The following ENTHD1 variants were observed in gnomAD, a reference collection of about 807,000 sequenced individuals.
The protein encoded by ENTHD1 is ENTH domain-containing protein 1.
ENTHD1 carries 23 observed loss-of-function variants against 39.1 expected under a neutral mutation model. The ratio of observed to expected loss-of-function variants is 0.59; its 90% confidence interval spans 0.42 to 0.83. The LOEUF is 0.83. Ranked by LOEUF, ENTHD1 falls within the 40% of genes least tolerant of loss-of-function variation. ENTHD1 has a pLI of 0.00. For synonymous variants in ENTHD1, 230 were observed against 258.2 expected (o/e 0.89, Z 1.05); for missense variants, 624 against 705.4 (o/e 0.88, Z 1.31).
chr22:39,793,473 C>T (rs1328361226), intron 5 of ENTHD1, among the ~76,000 whole-genome samples: 1 of 151,786 alleles, frequency 6.6e-6, no homozygotes, highest in Non-Finnish European at 1.5e-5. Context: ...GTTTCCTTTG[C>T]TGTGTAGAAG....
chr22:39,880,102 C>G (rs1288655175), intron 2 of ENTHD1, among the ~76,000 whole-genome samples: 2 of 152,182 alleles, frequency 1.3e-5, no homozygotes, highest in Non-Finnish European at 2.9e-5. Flanking sequence ...GTGGTGTGCA[C>G]CTACAGTCCC....
chr22:39,853,085 T>A (rs1285700881), intron 3 of ENTHD1, among the ~76,000 whole-genome samples: 2 of 152,198 alleles, frequency 1.3e-5, no homozygotes, highest in Non-Finnish European at 2.9e-5. Flanking sequence ...TTTTTTATTA[T>A]AAAAGCATGA....
chr22:39,798,544 G>A (rs1259568866), intron 5 of ENTHD1, among the ~76,000 whole-genome samples: 1 of 152,090 alleles, frequency 6.6e-6, no homozygotes, highest in African/African-American at 2.4e-5. Context: ...AGTGGCTTAG[G>A]CTGTGGTTGT....
intron 5 of ENTHD1, among the ~76,000 whole-genome samples, chr22:39,816,125 G>C (rs971224202): frequency 6.6e-6 from 1 of 152,208 alleles, no homozygotes; most frequent in Non-Finnish European, 1.5e-5. Flanking sequence ...GCAAAGGCAA[G>C]GGAGAAAAGG....
chr22:39,888,535 A>C (rs111996457), intron 1 of ENTHD1, among the ~76,000 whole-genome samples: 11,366 of 151,698 alleles, frequency 0.075, 486 homozygotes, highest in South Asian at 0.13. Flanking sequence ...TCAAGCGATT[A>C]TCCTGCCTCA....
chr22:39,820,362 C>T (rs186367302), intron 5 of ENTHD1, among the ~76,000 whole-genome samples: 4 of 151,998 alleles, frequency 2.6e-5, no homozygotes, highest in East Asian at 3.9e-4. Flanking sequence ...CTAATGAGAA[C>T]GTTTCGTTCT....
chr22:39,771,689 A>AT (rs892587529), intron 5 of ENTHD1, among the ~76,000 whole-genome samples: 196 of 151,862 alleles, frequency 1.3e-3, no homozygotes, highest in African/African-American at 4.4e-3. Context: ...GAATGACACC[A>AT]TTTTTTTTAA....
At chr22:39,890,884 C>T (rs2066421611) in intron 1 of ENTHD1, among the ~76,000 whole-genome samples, 2 of 152,206 alleles carry the variant, frequency 1.3e-5, no homozygotes, top group South Asian at 4.1e-4. Context: ...CTACTGCTGT[C>T]TTTTCAAATT....
intron 2 of ENTHD1, chr22:39,876,132 C>T (rs2066287548): frequency 1.9e-6 from 3 of 1,569,170 alleles, no homozygotes; most frequent in East Asian, 4.5e-5. Flanking sequence ...GGACTCAAGT[C>T]ATAGGCTTCT....
intron 5 of ENTHD1, among the ~76,000 whole-genome samples, chr22:39,807,865 G>T (rs2065655901): frequency 6.6e-6 from 1 of 151,850 alleles, no homozygotes; most frequent in African/African-American, 2.4e-5. Context: ...TTAGGGGTGT[G>T]TGTGTGTATA....
intron 5 of ENTHD1, among the ~76,000 whole-genome samples, chr22:39,771,983 T>G (rs543308967): frequency 3.1e-4 from 47 of 152,312 alleles, no homozygotes; most frequent in African/African-American, 1.1e-3. Flanking sequence ...ATAAAATATA[T>G]GTAACTGTTT....
At position 39,821,089 on chromosome 22, in the gene ENTHD1, C is replaced by T; in HGVS notation, c.736G>A (p.Asp246Asn). 1 of 1,614,000 alleles carries T rather than the reference C, an allele frequency of 6.2e-7. No homozygotes were observed. The highest frequency in any genetic ancestry group is 8.5e-7 in the Non-Finnish European group (1 of 1,179,932). ...TEDLMTFLDD[D>N]PELPLLATPP... Reference sequence around the variant, plus strand: ...GTTGCTAGTAAAGGCAGCTCTGGATCATCATCCAAAAATGTCATCAGGTCC... The same window carrying T: ...GTTGCTAGTAAAGGCAGCTCTGGATTATCATCCAAAAATGTCATCAGGTCC... The change falls in exon 5 of 7, where the codon GAT becomes AAT. Residue 246 changes from aspartate to asparagine, a missense_variant. By Grantham distance (23) the Asp-to-Asn change is conservative. Coordinates refer to ENST00000325157, the MANE Select transcript of ENTHD1 (RefSeq NM_152512.4).
At position 39,743,840 on chromosome 22, in the gene ENTHD1, C is replaced by A; in HGVS notation, c.1663G>T (p.Val555Leu). Reference sequence around the variant, plus strand: ...TGTAATCTAGCGATCGCACGTTTTACCTCCCTTAAAAGAACACTAATGGAA... The same window carrying A: ...TGTAATCTAGCGATCGCACGTTTTAACTCCCTTAAAAGAACACTAATGGAA... Reference protein sequence around the residue: ...KNSISVLLREVKRAIARLHED... With the variant: ...KNSISVLLRELKRAIARLHED... Residue 555 changes from valine (V) to leucine (L), a missense_variant, in exon 7 of 7, where the codon GTA becomes TTA. Val to Leu is a conservative substitution (Grantham distance 32). Coordinates refer to ENST00000325157, the MANE Select transcript of ENTHD1 (RefSeq NM_152512.4). 1.2e-6 allele frequency: 2 copies of A among 1,614,112 alleles called. No individual in the cohort carries two copies. Among genetic ancestry groups the A allele is most frequent in the Non-Finnish European group, 1.7e-6 (2 of 1,180,012 alleles).
Position 39,743,553 on chromosome 22 carries a change from A to C in ENTHD1, c.*126T>G. ...ATTAGTTTGAAAGATACTTGCTAAT[A>C]AACCTGACAAGGAAAAATTAAACCA... On this transcript the variant is annotated 3_prime_UTR_variant, in exon 7 of 7. Coordinates refer to ENST00000325157, the MANE Select transcript of ENTHD1 (RefSeq NM_152512.4). 2 of 1,172,280 alleles carry C rather than the reference A, an allele frequency of 1.7e-6. No homozygotes were observed. The highest frequency in any genetic ancestry group is 2.3e-6 in the Non-Finnish European group (2 of 865,332). The allele number at this position is 1,172,280 out of a possible 1,614,324, so 72.6% of individuals were successfully genotyped here. A position where few individuals can be genotyped will look rare whatever the true frequency, so the allele number is the denominator to read the frequency against.
intron 5 of ENTHD1, among the ~76,000 whole-genome samples, chr22:39,772,038 A>G (rs946913947): frequency 6.6e-6 from 1 of 152,218 alleles, no homozygotes; most frequent in Non-Finnish European, 1.5e-5. Flanking sequence ...AAATGTAAAT[A>G]TAGTTTAAAC....
chr22:39,845,469 A>C (rs2065979501), intron 3 of ENTHD1, among the ~76,000 whole-genome samples: 1 of 152,160 alleles, frequency 6.6e-6, no homozygotes, highest in South Asian at 2.1e-4. Context: ...AAACAAACAC[A>C]TTCCGGTAGA....
rs533942735 is a variant in ENTHD1, at chr22:39,768,932, T to C, written c.833-3323A>G. On this transcript the variant is annotated intron_variant, in intron 5 of 6. Coordinates refer to ENST00000325157, the MANE Select transcript of ENTHD1 (RefSeq NM_152512.4). ...TGAACTAATGCCAATGAACGATGAATTCCTATTGTCAATAAACAAAGTATG... is the reference window on the plus strand; with the variant it reads ...TGAACTAATGCCAATGAACGATGAACTCCTATTGTCAATAAACAAAGTATG... 3.9e-5 allele frequency among the ~76,000 whole-genome samples: 6 copies of C among 152,138 alleles called. No individual in the cohort carries two copies. The South Asian group carries it at 1.2e-3, about 32-fold the overall frequency.
At chr22:39,866,380 G>A (rs111899265) in intron 2 of ENTHD1, among the ~76,000 whole-genome samples, 16 of 152,354 alleles carry the variant, frequency 1.1e-4, no homozygotes, top group African/African-American at 3.8e-4. Context: ...CCCTGCACTT[G>A]TGACACTTAC....
chr22:39,810,998 G>C (rs890851062), intron 5 of ENTHD1, among the ~76,000 whole-genome samples: 4 of 152,190 alleles, frequency 2.6e-5, no homozygotes, highest in South Asian at 2.1e-4. Context: ...CTATCACATT[G>C]ATGATACAGT....
Sources: gnomAD v4.1 joint callset for allele counts (sites outside exome capture counted in the v4.1 genomes callset) on GRCh38, gnomAD v4.1.1 for gene constraint, MANE v1.5 for transcripts, NCBI Gene and HGNC (gene_info 2026-07-23, HGNC 2026-07-21) for gene names.